The following VPS39 variants were observed in gnomAD, a reference collection of about 807,000 sequenced individuals.
VPS39 encodes vam6/Vps39-like protein.
Under a neutral mutation model 121.0 loss-of-function variants are expected in VPS39, and 70 were observed. The ratio of observed to expected loss-of-function variants is 0.58; its 90% CI spans 0.48 to 0.71. The LOEUF (loss-of-function observed/expected upper bound fraction) is 0.71, where lower values mean the gene tolerates loss of function less well. Among genes scored for constraint, VPS39 ranks in the 30% least tolerant of loss-of-function variants. The pLI is 0.00. For missense variants in VPS39, 818 were observed against 1,051.5 expected, an observed-to-expected ratio of 0.78 and a Z score of 3.07; for synonymous variants, 378 against 398.1, an observed-to-expected ratio of 0.95 and a Z score of 0.60.
intron 2 of VPS39, chr15:42,199,591 G>T: frequency 2.1e-6 from 1 of 470,158 alleles, no homozygotes. Flanking sequence ...CTTATTATTG[G>T]TAGTGAGTCT....
In VPS39 at chr15:42,187,798, T is replaced by C; in HGVS notation, c.401A>G (p.Gln134Arg). 1 of 1,614,196 alleles carries C rather than the reference T, an allele frequency of 6.2e-7. No individual in the cohort carries two copies. The highest frequency in any genetic ancestry group is 8.5e-7 in the Non-Finnish European group (1 of 1,180,028). The change falls in exon 6 of 25, where the codon CAG becomes CGG. Residue 134 changes from glutamine (Q) to arginine (R), a missense_variant. Coordinates refer to ENST00000318006, the MANE Select transcript of VPS39 (RefSeq NM_015289.5). ...RMCVAVKKKL[Q>R]LYFWKDREFH... ...TTCCCTGTCCTTCCAGAAATAGAGC[T>C]GCAGCTTCTTTTTTACTGCCACACA...
At chr15:42,196,406 T>G (rs2140884935) in intron 2 of VPS39, among the ~76,000 whole-genome samples, 1 of 152,260 alleles carries the variant, frequency 6.6e-6, no homozygotes, top group Non-Finnish European at 1.5e-5. Context: ...GGGAGAACAT[T>G]TTTGCAATCT....
chr15:42,165,669 C>G (rs902642158), intron 17 of VPS39, 49 bp downstream of exon 17: 44 of 1,508,440 alleles, frequency 2.9e-5, no homozygotes, highest in Non-Finnish European at 4.0e-5. Flanking sequence ...CCACGCAGTC[C>G]TGGATCCTGG....
At chr15:42,203,705 C>T (rs915348767) in intron 1 of VPS39, among the ~76,000 whole-genome samples, 1 of 152,066 alleles carries the variant, frequency 6.6e-6, no homozygotes, top group Non-Finnish European at 1.5e-5. Flanking sequence ...GGAATCAATC[C>T]GATGGATTAA....
rs534550137 is a variant in VPS39, at chr15:42,160,307, T to A, written c.*447A>T. The A allele has an allele frequency of 5.9e-6, 1 of 170,678 alleles. No homozygotes were observed. Among genetic ancestry groups the A allele is most frequent in the South Asian group, 1.6e-4 (1 of 6,366 alleles). The allele number at this position is 170,678 out of a possible 1,614,324, so 10.6% of individuals were successfully genotyped here. A position where few individuals can be genotyped will look rare whatever the true frequency, so the allele number is the denominator to read the frequency against. ...CACAGAATGCGAGCCATCGGGTCCA[T>A]GCGGCCAGAAGCTTGAGTGCTGTTC... On this transcript the variant is annotated 3_prime_UTR_variant, in exon 25 of 25. Transcript: ENST00000318006.
intron 4 of VPS39, among the ~76,000 whole-genome samples, chr15:42,190,156 T>G (rs1256786122): frequency 1.3e-5 from 2 of 152,178 alleles, no homozygotes; most frequent in Non-Finnish European, 2.9e-5. Context: ...TCTGAAATAT[T>G]ATGATGCAGT....
At chr15:42,198,098 G>A (rs549771162) in intron 2 of VPS39, among the ~76,000 whole-genome samples, 58 of 152,202 alleles carry the variant, frequency 3.8e-4, no homozygotes, top group African/African-American at 1.3e-3. Flanking sequence ...AGGAATAGTC[G>A]CCACCAGGGT....
At chr15:42,169,955 G>T (rs1300539679) in intron 11 of VPS39, 89 bp from the exon 12 acceptor site, 39 of 1,205,016 alleles carry the variant, frequency 3.2e-5, no homozygotes, top group Non-Finnish European at 3.5e-5. Flanking sequence ...AGCAAAATAA[G>T]TTCCAGACTG....
intron 10 of VPS39, among the ~76,000 whole-genome samples, chr15:42,174,601 A>G (rs972062854): frequency 1.3e-5 from 2 of 152,236 alleles, no homozygotes; most frequent in African/African-American, 4.8e-5. Context: ...AGTGATGATA[A>G]GCATGTGGGA....
intron 1 of VPS39, among the ~76,000 whole-genome samples, chr15:42,206,291 G>A (rs1411364612): frequency 6.6e-6 from 1 of 152,204 alleles, no homozygotes; most frequent in Non-Finnish European, 1.5e-5. Flanking sequence ...GTAATGACTA[G>A]AAAGAGCAAT....
intron 21 of VPS39, 58 bp downstream of exon 21, chr15:42,163,292 G>A: frequency 6.2e-7 from 1 of 1,604,598 alleles, no homozygotes; most frequent in Non-Finnish European, 8.5e-7. Context: ...GCCACCTCTG[G>A]TCAAACCAAC....
chr15:42,190,551 C>T (rs1002737158), intron 4 of VPS39, among the ~76,000 whole-genome samples: 2 of 152,138 alleles, frequency 1.3e-5, no homozygotes, highest in East Asian at 3.9e-4. Context: ...TGATATCCTG[C>T]CAATCTCCAC....
At chr15:42,172,324 G>A (rs2140849294) in intron 11 of VPS39, among the ~76,000 whole-genome samples, 1 of 152,268 alleles carries the variant, frequency 6.6e-6, no homozygotes, top group Middle Eastern at 3.4e-3. Context: ...CCTGGCTCCA[G>A]CCAGCACCAC....
In VPS39 at chr15:42,162,417, T is replaced by C; in HGVS notation, c.2240A>G (p.Lys747Arg). Residue 747 changes from lysine to arginine, a missense_variant, in exon 22 of 25, where the codon AAG becomes AGG. Lys to Arg is a conservative substitution (Grantham distance 26, BLOSUM62 2). Coordinates refer to ENST00000318006, the MANE Select transcript of VPS39 (RefSeq NM_015289.5). The part of the protein sequence containing the change: ...PPSIHCLGPI[K>R]LELLEPKANL... ...GGCTTTTGGCTCCAGTAGTTCCAGC[T>C]TGATTGGCCCCAGGCAGTGAATGCT... is the stretch of plus-strand genomic sequence containing the variant. 1 of 1,613,802 alleles carries C rather than the reference T, an allele frequency of 6.2e-7. No individual in the cohort carries two copies. Among genetic ancestry groups the C allele is most frequent in the Non-Finnish European group, 8.5e-7 (1 of 1,179,904 alleles).
At chr15:42,194,156 A>T (rs1410980468) in intron 2 of VPS39, among the ~76,000 whole-genome samples, 1 of 151,388 alleles carries the variant, frequency 6.6e-6, no homozygotes, top group Admixed American at 6.6e-5. Context: ...AACTAGCTTT[A>T]AAAAAAAACA....
chr15:42,199,969 A>G lies in VPS39; in HGVS notation c.74-8T>C. 3 of 1,556,782 alleles carry G rather than the reference A, an allele frequency of 1.9e-6. No individual in the cohort carries two copies. Among genetic ancestry groups the G allele is most frequent in the Non-Finnish European group, 2.6e-6 (3 of 1,161,422 alleles). On this transcript the variant is annotated splice_polypyrimidine_tract_variant and splice_region_variant and intron_variant, in intron 1 of 24. Transcript: ENST00000318006. Reference sequence around the variant, plus strand: ...CCACAAGAAGCCATTCCTCTGGAAAAACAAAACAAAACAAAAACAAAAACA... The same window carrying G: ...CCACAAGAAGCCATTCCTCTGGAAAGACAAAACAAAACAAAAACAAAAACA...
At position 42,162,236 on chromosome 15, in the gene VPS39, C is replaced by T. The variant is rs1340028990; in HGVS notation, c.2326-70G>A. On this transcript the variant is annotated intron_variant, in intron 22 of 24. Transcript: ENST00000318006. ...GTGAGAATGAAGAAATGTCTGCAGC[C>T]GTGGAGCTCTTGGACCCTAGTCCCT... The T allele has an allele frequency of 1.7e-5, 28 of 1,607,214 alleles. No homozygotes were observed. In the East Asian group the frequency reaches 2.2e-4, roughly 13 times the overall value.
At position 42,189,102 on chromosome 15, in the gene VPS39, G is replaced by A; in HGVS notation, c.342+12C>T. ...AAAGCATAAAGCCAAATTTCATCTTGGGTAAACTTACCTGGAGGTCACAAG... is the reference window on the plus strand; with the variant it reads ...AAAGCATAAAGCCAAATTTCATCTTAGGTAAACTTACCTGGAGGTCACAAG... On this transcript the variant is annotated intron_variant, in intron 5 of 24. Coordinates refer to ENST00000318006, the MANE Select transcript of VPS39 (RefSeq NM_015289.5). The A allele has an allele frequency of 6.2e-7, 1 of 1,607,056 alleles. No homozygotes were observed. Among genetic ancestry groups the A allele is most frequent in the Non-Finnish European group, 8.5e-7 (1 of 1,173,700 alleles).
intron 12 of VPS39, 105 bp from the exon 13 acceptor site, chr15:42,167,642 C>A: frequency 1.4e-6 from 2 of 1,409,056 alleles, no homozygotes; most frequent in Non-Finnish European, 1.9e-6. Context: ...GCCTATTGGC[C>A]TGATCTCACA....
Sources: gnomAD v4.1 joint callset for allele counts (sites outside exome capture counted in the v4.1 genomes callset) on GRCh38, gnomAD v4.1.1 for gene constraint, MANE v1.5 for transcripts, NCBI Gene and HGNC (gene_info 2026-07-23, HGNC 2026-07-21) for gene names.